Variants in CCNJL observed in about 807,000 individuals in gnomAD.
The protein encoded by CCNJL is cyclin-J-like protein.
Under a neutral mutation model 33.4 loss-of-function variants are expected in CCNJL, and 33 were observed. The ratio of observed to expected loss-of-function variants is 0.99; its 90% confidence interval spans 0.75 to 1.32. The LOEUF is 1.32. Ranked by LOEUF, CCNJL falls within the 40% of genes most tolerant of loss-of-function variation. CCNJL has a pLI of 0.00. For synonymous variants in CCNJL, 227 were observed against 220.9 expected (o/e 1.03, Z -0.24); for missense variants, 512 against 499.7 (o/e 1.02, Z -0.23).
At chr5:160,312,301 T>G in intron 1 of CCNJL, 63 bp downstream of exon 1, 1 of 292,998 alleles carries the variant, frequency 3.4e-6, no homozygotes. Context: ...CCCCAACTCC[T>G]CCCCCGCCGC....
chr5:160,303,173 TAA>T (rs796943365), intron 2 of CCNJL, among the ~76,000 whole-genome samples: 23 of 152,342 alleles, frequency 1.5e-4, no homozygotes, highest in African/African-American at 5.3e-4. Context: ...GGGAAATAGA[TAA>T]AGTGTTTTAC....
At chr5:160,260,783 G>A (rs973632872) in intron 3 of CCNJL, among the ~76,000 whole-genome samples, 1 of 152,068 alleles carries the variant, frequency 6.6e-6, no homozygotes, top group Non-Finnish European at 1.5e-5. Context: ...CCTGGGCCTG[G>A]AGCACCCTTC....
At chr5:160,290,422 C>CA (rs1762545617) in intron 2 of CCNJL, among the ~76,000 whole-genome samples, 1 of 152,012 alleles carries the variant, frequency 6.6e-6, no homozygotes, top group African/African-American at 2.4e-5. Context: ...CCCACCACCA[C>CA]ACCCGTCTAA....
intron 2 of CCNJL, among the ~76,000 whole-genome samples, chr5:160,291,897 T>C (rs748549236): frequency 3.7e-4 from 56 of 152,162 alleles, no homozygotes; most frequent in Admixed American, 7.9e-4. Context: ...GTATATAATA[T>C]GGTGATTTCC....
chr5:160,308,177 G>A (rs2113449844), intron 2 of CCNJL, among the ~76,000 whole-genome samples: 1 of 152,326 alleles, frequency 6.6e-6, no homozygotes, highest in East Asian at 1.9e-4. Context: ...GGCCATCACT[G>A]TCTTGCAGCA....
rs190578011 is a variant in CCNJL at position 160,307,466 on chromosome 5, A to T, written c.66+4392T>A. On this transcript the variant is annotated intron_variant, in intron 2 of 5. Transcript: ENST00000257536. Reference sequence around the variant, plus strand: ...TCATGTGTAACCAGCACTCACCAAAATCTGTTAGTTCTTGGATTCAACACC... The same window carrying T: ...TCATGTGTAACCAGCACTCACCAAATTCTGTTAGTTCTTGGATTCAACACC... 6.6e-3 allele frequency among the ~76,000 whole-genome samples: 1,003 copies of T among 152,244 alleles called. 13 individuals are homozygous for T. The highest frequency in any genetic ancestry group is 0.023 in the African/African-American group (968 of 41,542).
At chr5:160,266,432 A>G (rs1231421038) in intron 3 of CCNJL, among the ~76,000 whole-genome samples, 1 of 152,226 alleles carries the variant, frequency 6.6e-6, no homozygotes, top group Non-Finnish European at 1.5e-5. Flanking sequence ...ATGGCCTTGG[A>G]GCCGGTGTGA....
In CCNJL at chr5:160,250,717, T is replaced by A. The variant is rs904595097; in HGVS notation, c.*2661A>T. 6.6e-6 allele frequency: 1 copy of A among 152,238 alleles called. No homozygotes were observed. The highest frequency in any genetic ancestry group is 2.4e-5 in the African/African-American group (1 of 41,466). The allele number at this position is 152,238 out of a possible 1,614,324, so 9.4% of individuals were successfully genotyped here. A position where few individuals can be genotyped will look rare whatever the true frequency, so the allele number is the denominator to read the frequency against. ...ACGCTTCTGAAATCAGAATGCAACA[T>A]ATAATCAATGGTATCTTGCAAACTG... On this transcript the variant is annotated 3_prime_UTR_variant, in exon 6 of 6. Transcript: ENST00000257536.
At chr5:160,297,182 C>A (rs1042407077) in intron 2 of CCNJL, among the ~76,000 whole-genome samples, 13 of 152,144 alleles carry the variant, frequency 8.5e-5, no homozygotes, top group Non-Finnish European at 8.8e-5. Flanking sequence ...ATGCTAAGGG[C>A]CTCAGGGCAG....
At chr5:160,310,919 A>T (rs1763240280) in intron 2 of CCNJL, among the ~76,000 whole-genome samples, 1 of 152,194 alleles carries the variant, frequency 6.6e-6, no homozygotes, top group Non-Finnish European at 1.5e-5. Context: ...TAACACCTTG[A>T]TCTGGGATCT....
chr5:160,277,741 TC>T lies in CCNJL; in HGVS notation c.280+2783del, dbSNP rs1341212213. 1.6e-3 allele frequency among the ~76,000 whole-genome samples: 219 copies of T among 135,128 alleles called. 1 individual carries two copies. Among genetic ancestry groups the T allele is most frequent in the African/African-American group, 4.6e-3 (171 of 37,024 alleles). 88.6% of individuals were successfully genotyped at this position (135,128 alleles called of 152,430 possible). A position where few individuals can be genotyped will look rare whatever the true frequency, so the allele number is the denominator to read the frequency against. The stretch of plus-strand genomic sequence containing the variant: ...AAATCCCATCTCTGCTTCCTGTCTA[TC>T]TGTTTTTTTTTTTTTTTTTTGAGAT... On this transcript the variant is annotated intron_variant, in intron 3 of 5. Coordinates refer to ENST00000257536, the MANE Select transcript of CCNJL (RefSeq NM_001308173.3).
Position 160,253,772 on chromosome 5 carries a change from G to T in CCNJL, c.770C>A (p.Ala257Asp). The change falls in exon 6 of 6, where the codon GCC (alanine) becomes GAC (aspartate). Residue 257 changes from alanine to aspartate, a missense_variant. Transcript: ENST00000257536. ...LVVYDNVLKD[A>D]VAVKSQALAM... is the part of the protein sequence containing the mutation. ...CAAGGCCTGGCTCTTGACGGCTACG[G>T]CATCCTTGAGGACGTTGTCATACAC... 2 of 1,525,094 alleles carry T rather than the reference G, an allele frequency of 1.3e-6. No homozygotes were observed. Among genetic ancestry groups the T allele is most frequent in the Non-Finnish European group, 1.8e-6 (2 of 1,139,614 alleles). 94.5% of individuals were successfully genotyped at this position (1,525,094 alleles called of 1,614,324 possible).
intron 3 of CCNJL, among the ~76,000 whole-genome samples, chr5:160,278,255 C>G (rs1435068392): frequency 6.6e-6 from 1 of 152,200 alleles, no homozygotes; most frequent in African/African-American, 2.4e-5. Flanking sequence ...CTGCCTCTGC[C>G]TCCCAAGGTG....
At chr5:160,298,991 T>G (rs1241142712) in intron 2 of CCNJL, among the ~76,000 whole-genome samples, 1 of 152,092 alleles carries the variant, frequency 6.6e-6, no homozygotes, top group African/African-American at 2.4e-5. Flanking sequence ...TATTTATTTA[T>G]TTTTTGAGAC....
At chr5:160,258,652 G>A in intron 4 of CCNJL, 1 of 939,682 alleles carries the variant, frequency 1.1e-6, no homozygotes, top group Non-Finnish European at 1.8e-6. Flanking sequence ...ACAATCTTAA[G>A]AATTATTTGG....
intron 4 of CCNJL, among the ~76,000 whole-genome samples, chr5:160,257,202 G>T (rs533006592): frequency 6.6e-6 from 1 of 151,992 alleles, no homozygotes; most frequent in South Asian, 2.1e-4. Context: ...TTGGCCGGGT[G>T]CAGTGGTTCA....
intron 2 of CCNJL, among the ~76,000 whole-genome samples, chr5:160,289,689 C>T (rs1762521962): frequency 6.6e-6 from 1 of 152,110 alleles, no homozygotes; most frequent in African/African-American, 2.4e-5. Context: ...GAATCACAGC[C>T]CACCTAAAGC....
At chr5:160,274,150 A>G (rs1263172111) in intron 3 of CCNJL, among the ~76,000 whole-genome samples, 1 of 151,980 alleles carries the variant, frequency 6.6e-6, no homozygotes, top group African/African-American at 2.4e-5. Context: ...GAGTATAATA[A>G]TTGTAATTTT....
At position 160,252,953 on chromosome 5, in the gene CCNJL, G is replaced by C. The variant is rs1021550399; in HGVS notation, c.*425C>G. The C allele has an allele frequency of 6.4e-6, 1 of 157,388 alleles. No individual in the cohort carries two copies. The highest frequency in any genetic ancestry group is 2.4e-5 in the African/African-American group (1 of 41,632). The allele number at this position is 157,388 out of a possible 1,614,324, so 9.7% of individuals were successfully genotyped here. The stretch of plus-strand genomic sequence containing the variant: ...ATATGGGATCCTCCGGGGGTCCTGA[G>C]AACACGCCAGGCTGCCCCTCCTTTT... On this transcript the variant is annotated 3_prime_UTR_variant, in exon 6 of 6. Transcript: ENST00000257536.
Sources: gnomAD v4.1 joint callset for allele counts (sites outside exome capture counted in the v4.1 genomes callset) on GRCh38, gnomAD v4.1.1 for gene constraint, MANE v1.5 for transcripts, NCBI Gene and HGNC (gene_info 2026-07-23, HGNC 2026-07-21) for gene names.